The following CCDC91 variants were observed in gnomAD, a reference collection of about 807,000 sequenced individuals.
CCDC91 encodes the protein coiled-coil domain-containing protein 91.
CCDC91 carries 48 observed loss-of-function variants against 63.2 expected under a neutral mutation model. The ratio of observed to expected loss-of-function variants is 0.76; its 90% CI spans 0.60 to 0.97. The LOEUF (loss-of-function observed/expected upper bound fraction) is 0.97. CCDC91 is among the 50% of genes least tolerant of loss of function. The pLI, the probability that CCDC91 is intolerant of heterozygous loss-of-function variation, is 0.00. For synonymous variants in CCDC91, 167 were observed against 165.8 expected (o/e 1.01, Z -0.06); for missense variants, 500 against 494.6 (o/e 1.01, Z -0.10).
intron 1 of CCDC91, among the ~76,000 whole-genome samples, chr12:28,237,881 A>G (rs1251092387): frequency 6.6e-6 from 1 of 152,186 alleles, no homozygotes; most frequent in Non-Finnish European, 1.5e-5. Context: ...ACATATTCAC[A>G]TGTGGACTTC....
chr12:28,213,612 A>T (rs1480405979), intron 1 of CCDC91, among the ~76,000 whole-genome samples: 1 of 152,216 alleles, frequency 6.6e-6, no homozygotes, highest in Non-Finnish European at 1.5e-5. Context: ...GCTGGAGTAG[A>T]CATTGAATAT....
chr12:28,283,553 G>T (rs998328497), intron 3 of CCDC91, among the ~76,000 whole-genome samples: 7 of 151,890 alleles, frequency 4.6e-5, no homozygotes, highest in African/African-American at 1.7e-4. Flanking sequence ...TTTGTTTCAT[G>T]AAAGTTAATG....
intron 1 of CCDC91, among the ~76,000 whole-genome samples, chr12:28,253,668 A>G (rs1316819957): frequency 6.6e-6 from 1 of 152,094 alleles, no homozygotes; most frequent in African/African-American, 2.4e-5. Flanking sequence ...CTCATTTCAC[A>G]TTCTCTTTGA....
chr12:28,416,309 C>T (rs1286982726), intron 8 of CCDC91, among the ~76,000 whole-genome samples: 2 of 151,962 alleles, frequency 1.3e-5, no homozygotes, highest in African/African-American at 4.8e-5. Context: ...TTTTCTTAAA[C>T]CAATTCTGTC....
intron 12 of CCDC91, among the ~76,000 whole-genome samples, chr12:28,544,672 G>T (rs1237411091): frequency 6.6e-6 from 1 of 151,788 alleles, no homozygotes; most frequent in African/African-American, 2.4e-5. Flanking sequence ...ATATCTTTTT[G>T]GATGTGAACA....
intron 3 of CCDC91, among the ~76,000 whole-genome samples, chr12:28,297,218 C>A (rs11049513): frequency 0.25 from 37,824 of 151,492 alleles, 5,268 homozygotes; most frequent in East Asian, 0.58. Flanking sequence ...TATTTTTACC[C>A]ATTTCTTATT....
chr12:28,509,493 AG>A (rs1277693004), intron 12 of CCDC91, among the ~76,000 whole-genome samples: 2 of 151,928 alleles, frequency 1.3e-5, no homozygotes, highest in Non-Finnish European at 2.9e-5. Flanking sequence ...GCTAGTCTCT[AG>A]GTAGGAGTAT....
At chr12:28,472,874 C>T (rs773053425) in intron 11 of CCDC91, among the ~76,000 whole-genome samples, 5 of 152,102 alleles carry the variant, frequency 3.3e-5, no homozygotes, top group African/African-American at 4.8e-5. Flanking sequence ...GCTTCCTTTG[C>T]ACTTGCATCC....
intron 6 of CCDC91, among the ~76,000 whole-genome samples, chr12:28,336,573 C>CT (rs1276051904): frequency 6.6e-6 from 1 of 152,042 alleles, no homozygotes; most frequent in Non-Finnish European, 1.5e-5. Flanking sequence ...TTGTTGGTGA[C>CT]TATTTTCTGA....
chr12:28,330,313 T>A (rs899631123), intron 6 of CCDC91, among the ~76,000 whole-genome samples: 12 of 152,206 alleles, frequency 7.9e-5, no homozygotes, highest in Non-Finnish European at 1.5e-4. Context: ...CCATTCTAAC[T>A]GGTGTGAGAT....
chr12:28,450,114 A>G (rs1249119957), intron 8 of CCDC91, 47 bp from the exon 9 acceptor site: 1 of 1,053,632 alleles, frequency 9.5e-7, no homozygotes, highest in African/African-American at 1.6e-5. Context: ...TTGTTGACAG[A>G]TACCTGTCTC....
intron 3 of CCDC91, among the ~76,000 whole-genome samples, chr12:28,275,797 G>T (rs1332507424): frequency 6.6e-6 from 1 of 152,054 alleles, no homozygotes. Flanking sequence ...TTCATCCCTG[G>T]GATGCAAGGC....
chr12:28,368,954 C>T (rs1944441096), intron 7 of CCDC91, among the ~76,000 whole-genome samples: 1 of 152,080 alleles, frequency 6.6e-6, no homozygotes, highest in Non-Finnish European at 1.5e-5. Context: ...CCAGTCACCT[C>T]CCACCAAGGC....
intron 11 of CCDC91, among the ~76,000 whole-genome samples, chr12:28,469,660 A>G (rs1007180432): frequency 7.2e-5 from 11 of 152,158 alleles, no homozygotes; most frequent in African/African-American, 2.4e-4. Flanking sequence ...CAAAAATTGG[A>G]GAAATCACAT....
intron 3 of CCDC91, among the ~76,000 whole-genome samples, chr12:28,291,729 A>G (rs1455901113): frequency 6.6e-6 from 1 of 152,218 alleles, no homozygotes; most frequent in African/African-American, 2.4e-5. Flanking sequence ...CAACACTTCA[A>G]AATGATGATT....
chr12:28,200,635 T>C (rs1259403953), intron 1 of CCDC91, among the ~76,000 whole-genome samples: 1 of 151,120 alleles, frequency 6.6e-6, no homozygotes, highest in Admixed American at 6.6e-5. Flanking sequence ...AGAATTTTTC[T>C]TAGTACAGAA....
At chr12:28,508,835 G>A (rs1057123634) in intron 12 of CCDC91, among the ~76,000 whole-genome samples, 1 of 151,856 alleles carries the variant, frequency 6.6e-6, no homozygotes, top group Non-Finnish European at 1.5e-5. Flanking sequence ...CTACCCCTCG[G>A]TTCCTGAACC....
intron 12 of CCDC91, among the ~76,000 whole-genome samples, chr12:28,538,422 C>T (rs1230924455): frequency 6.6e-6 from 1 of 151,990 alleles, no homozygotes; most frequent in Non-Finnish European, 1.5e-5. Flanking sequence ...CATGTCCCTA[C>T]AAAGGACATG....
In CCDC91 at chr12:28,412,270, GTTCT is replaced by G. The variant is rs534843266; in HGVS notation, c.762+20862_762+20865del. Among the ~76,000 whole-genome samples the G allele has an allele frequency of 1.2e-3, 188 of 152,238 alleles. 3 individuals carry two copies. Among genetic ancestry groups the G allele is most frequent in the African/African-American group, 4.3e-3 (177 of 41,540 alleles). ...ATTAAGTGATGCATGAATGTATTGA[GTTCT>G]TTGTTATTCTTAAATTCTTCCAAAT... On this transcript the variant is annotated intron_variant, in intron 8 of 12. Transcript: ENST00000536442.
Sources: gnomAD v4.1 joint callset for allele counts (sites outside exome capture counted in the v4.1 genomes callset) on GRCh38, gnomAD v4.1.1 for gene constraint, MANE v1.5 for transcripts, NCBI Gene and HGNC (gene_info 2026-07-23, HGNC 2026-07-21) for gene names.